The following WDFY3 variants were observed in gnomAD, a reference collection of about 807,000 sequenced individuals.
WDFY3 encodes WD repeat and FYVE domain-containing protein 3.
A neutral mutation model predicts 409.6 loss-of-function variants in WDFY3; 66 were observed. That is an observed-to-expected ratio of 0.16 (90% confidence interval 0.13 to 0.20). The LOEUF is 0.20. WDFY3 is among the 10% of genes least tolerant of loss of function. The pLI, the probability that WDFY3 is intolerant of heterozygous loss-of-function variation, is 1.00. For missense variants in WDFY3, 3,031 were observed against 4,298.1 expected (o/e 0.71, Z 8.24); for synonymous variants, 1,521 against 1,537.1 (o/e 0.99, Z 0.25).
chr4:84,855,842 A>C (rs1463506172), intron 4 of WDFY3, among the ~76,000 whole-genome samples: 2 of 152,200 alleles, frequency 1.3e-5, no homozygotes, highest in Non-Finnish European at 2.9e-5. Context: ...GTTTCTATGA[A>C]GGACCATCAG....
chr4:84,813,151 T>C (rs1187621965), intron 13 of WDFY3, among the ~76,000 whole-genome samples: 1 of 152,160 alleles, frequency 6.6e-6, no homozygotes, highest in African/African-American at 2.4e-5. Flanking sequence ...ATTACATAGG[T>C]CTGTGGTATA....
chr4:84,773,383 A>G (rs1359392712), intron 29 of WDFY3, among the ~76,000 whole-genome samples: 1 of 152,226 alleles, frequency 6.6e-6, no homozygotes, highest in East Asian at 1.9e-4. Context: ...AACATGATCC[A>G]TATTCGAATG....
At chr4:84,824,296 G>C (rs940031855) in intron 10 of WDFY3, among the ~76,000 whole-genome samples, 1 of 152,078 alleles carries the variant, frequency 6.6e-6, no homozygotes. Context: ...ATTGTGTATT[G>C]CTATAATTGT....
intron 3 of WDFY3, among the ~76,000 whole-genome samples, chr4:84,877,075 A>G (rs561345549): frequency 6.6e-6 from 1 of 152,360 alleles, no homozygotes; most frequent in South Asian, 2.1e-4. Flanking sequence ...CTGAAGGAAT[A>G]TATGTATGAT....
chr4:84,893,891 G>C (rs1163092529), intron 3 of WDFY3, among the ~76,000 whole-genome samples: 1 of 152,048 alleles, frequency 6.6e-6, no homozygotes, highest in Admixed American at 6.6e-5. Flanking sequence ...TCAGGAGGCT[G>C]AGGCAGAGAA....
At chr4:84,847,962 T>G (rs537027786) in intron 5 of WDFY3, among the ~76,000 whole-genome samples, 2 of 148,816 alleles carry the variant, frequency 1.3e-5, no homozygotes, top group African/African-American at 4.9e-5. Context: ...AAGAGATAGA[T>G]GATAAAATTG....
rs145818813 is a variant in WDFY3 at position 84,909,029 on chromosome 4, TACACACAC to T, written c.-131-12027_-131-12020del. On this transcript the variant is annotated intron_variant, in intron 2 of 67. Coordinates refer to ENST00000295888, the MANE Select transcript of WDFY3 (RefSeq NM_014991.6). ...GAGTCTATTCCTACGCACGTATCCA[TACACACAC>T]ACACACACACGCACACACACACAAA... Among the ~76,000 whole-genome samples, 532 of 149,920 alleles carry T rather than the reference TACACACAC, an allele frequency of 3.5e-3. 4 individuals are homozygous for T. Among genetic ancestry groups the T allele is most frequent in the African/African-American group, 0.013 (516 of 41,044 alleles).
At chr4:84,849,342 C>G (rs568208719) in intron 5 of WDFY3, among the ~76,000 whole-genome samples, 5 of 151,956 alleles carry the variant, frequency 3.3e-5, no homozygotes, top group Admixed American at 2.6e-4. Flanking sequence ...TAGTTCAGAA[C>G]AGAAAAAAAT....
intron 1 of WDFY3, among the ~76,000 whole-genome samples, chr4:84,965,429 G>T (rs1173810586): frequency 2.0e-5 from 3 of 152,128 alleles, no homozygotes; most frequent in Non-Finnish European, 4.4e-5. Context: ...CTTTCAATCT[G>T]GTTGTATCAC....
chr4:84,672,065 A>C lies in WDFY3; in HGVS notation c.*803T>G, dbSNP rs1394712625. 1 of 152,202 alleles carries C rather than the reference A, an allele frequency of 6.6e-6. No homozygotes were observed. The highest frequency in any genetic ancestry group is 2.4e-5 in the African/African-American group (1 of 41,450). The allele number at this position is 152,202 out of a possible 1,614,324, so 9.4% of individuals were successfully genotyped here. A position where few individuals can be genotyped will look rare whatever the true frequency, so the allele number is the denominator to read the frequency against. ...TACAAGTTTAAAAGGGGCCCTGTTT[A>C]TGTAGGAACAACACTGAGGTGGTGC... is the stretch of plus-strand genomic sequence containing the variant. On this transcript the variant is annotated 3_prime_UTR_variant, in exon 68 of 68. Transcript: ENST00000295888.
intron 3 of WDFY3, among the ~76,000 whole-genome samples, chr4:84,864,154 G>A (rs1185921187): frequency 1.3e-5 from 2 of 151,888 alleles, no homozygotes; most frequent in South Asian, 2.1e-4. Flanking sequence ...ATCACCTGAC[G>A]TCAGCAATTC....
chr4:84,860,798 G>A (rs1760499811), intron 3 of WDFY3, among the ~76,000 whole-genome samples, 176 bp from the exon 4 acceptor site: 1 of 152,012 alleles, frequency 6.6e-6, no homozygotes, highest in East Asian at 1.9e-4. Flanking sequence ...CCCCCTGAAG[G>A]GCAAATTATG....
intron 2 of WDFY3, among the ~76,000 whole-genome samples, chr4:84,902,766 G>A (rs1271259165): frequency 6.6e-6 from 1 of 152,192 alleles, no homozygotes; most frequent in Non-Finnish European, 1.5e-5. Context: ...AATGTTGGGA[G>A]TGATACTATG....
Position 84,736,201 on chromosome 4 carries a change from C to T in WDFY3, c.6884G>A (p.Ser2295Asn), listed in dbSNP as rs753186563. The T allele has an allele frequency of 1.2e-6, 2 of 1,612,306 alleles. No individual in the cohort carries two copies. The highest frequency in any genetic ancestry group is 1.7e-4 in the Middle Eastern group (1 of 6,056). Reference protein sequence around the residue: ...LTGSRRNRKESGLNKHSLSTQ... With the variant: ...LTGSRRNRKENGLNKHSLSTQ... ...GGAAAGACTGTGTTTATTAAGACCA[C>T]TTTCTTTTCGATTCCTTCTTGATCC... Residue 2295 changes from serine to asparagine, a missense_variant, in exon 42 of 68, where the codon AGT (serine) becomes AAT (asparagine). Around this residue, in one of 16 missense-constraint regions of WDFY3, gnomAD observed 98 missense variants for 194.9 expected, o/e 0.50. Transcript: ENST00000295888.
intron 4 of WDFY3, among the ~76,000 whole-genome samples, chr4:84,856,560 T>G (rs1218814505): frequency 3.3e-5 from 5 of 152,102 alleles, no homozygotes; most frequent in Non-Finnish European, 7.4e-5. Flanking sequence ...AGAGGGAAGA[T>G]AACAGCAGCC....
chr4:84,744,670 G>A (rs916440127), intron 36 of WDFY3, among the ~76,000 whole-genome samples: 2 of 151,114 alleles, frequency 1.3e-5, no homozygotes, highest in Admixed American at 1.3e-4. Flanking sequence ...CGGCTAAAAC[G>A]GTGAAACCCC....
rs1324019641 is a variant in WDFY3 at position 84,739,059 on chromosome 4, G to T, written c.6525C>A (p.Ile2175=). 1.9e-6 allele frequency: 3 copies of T among 1,614,108 alleles called. No homozygotes were observed. The highest frequency in any genetic ancestry group is 2.2e-5 in the South Asian group (2 of 91,076). Residue 2175 remains isoleucine (I), a synonymous_variant, in exon 40 of 68, where the codon ATC becomes ATA. Transcript: ENST00000295888. ...TACCATCTGGTTCAATGTCCGAGGGGATCATAATGTGCCATGTGGTCATGC... is the reference window on the plus strand; with the variant it reads ...TACCATCTGGTTCAATGTCCGAGGGTATCATAATGTGCCATGTGGTCATGC... ...EARMTTWHIM[I]PSDIEPDGSY...
In WDFY3 at chr4:84,774,836, T is replaced by C. The variant is rs1225313429; in HGVS notation, c.4738A>G (p.Ser1580Gly). 3 of 1,610,842 alleles carry C rather than the reference T, an allele frequency of 1.9e-6. No individual in the cohort carries two copies. The Admixed American group carries it at 5.1e-5, about 27-fold the overall frequency. The change falls in exon 29 of 68, where the codon AGC (serine) becomes GGC (glycine). Residue 1580 changes from serine (S) to glycine (G), a missense_variant. Physicochemically the swap from Ser to Gly is moderately conservative, Grantham distance 56. Coordinates refer to ENST00000295888, the MANE Select transcript of WDFY3 (RefSeq NM_014991.6). Reference protein sequence around the residue: ...LSFLLQGFPSSNDLLRFGQFI... With the variant: ...LSFLLQGFPSGNDLLRFGQFI... ...TTTTCCTACCTGAGCAGATCATTGC[T>C]GCTAGGAAAACCTTGCAGTAAGAAG...
chr4:84,686,989 A>G (rs769348805), intron 62 of WDFY3, among the ~76,000 whole-genome samples: 14 of 152,144 alleles, frequency 9.2e-5, no homozygotes, highest in Non-Finnish European at 1.6e-4. Flanking sequence ...TATATGAACT[A>G]TTTATTTCTG....
Sources: allele counts gnomAD v4.1 joint callset (sites outside exome capture counted in the v4.1 genomes callset), GRCh38; gene constraint gnomAD v4.1.1; regional missense constraint gnomAD v4.1.1; transcripts MANE v1.5; gene names NCBI Gene and HGNC (gene_info 2026-07-23, HGNC 2026-07-21).